The following STK32B variants were observed in gnomAD, a reference collection of about 807,000 sequenced individuals.
STK32B encodes serine/threonine kinase 32B.
A neutral mutation model predicts 52.6 loss-of-function variants in STK32B; 43 were observed. That is an observed-to-expected ratio of 0.82 (90% CI 0.64 to 1.05). The LOEUF is 1.05. STK32B is among the 50% of genes least tolerant of loss of function. The probability of loss-of-function intolerance (pLI) is 0.00; values close to 1 mark genes in which losing one functional copy is unlikely to be tolerated. For missense variants in STK32B, 621 were observed against 534.6 expected (o/e 1.16, Z -1.59); for synonymous variants, 238 against 204.3 (o/e 1.17, Z -1.41).
intron 11 of STK32B, among the ~76,000 whole-genome samples, chr4:5,492,426 G>T (rs1157178228): frequency 6.6e-6 from 1 of 152,124 alleles, no homozygotes; most frequent in African/African-American, 2.4e-5. Flanking sequence ...CACTGATTTT[G>T]TATCCTGAGA....
At chr4:5,473,269 G>C (rs1717981338) in intron 11 of STK32B, among the ~76,000 whole-genome samples, 1 of 152,180 alleles carries the variant, frequency 6.6e-6, no homozygotes, top group Admixed American at 6.5e-5. Context: ...GCTCTCAATG[G>C]AGCTCACAGC....
intron 1 of STK32B, among the ~76,000 whole-genome samples, chr4:5,119,837 A>G (rs182419424): frequency 1.9e-3 from 290 of 152,308 alleles, no homozygotes; most frequent in Non-Finnish European, 3.3e-3. Flanking sequence ...ATTTTTTTGC[A>G]TAAACTCCAT....
chr4:5,472,350 G>A (rs953543666), intron 11 of STK32B, among the ~76,000 whole-genome samples: 84 of 152,214 alleles, frequency 5.5e-4, no homozygotes, highest in African/African-American at 1.9e-3. Flanking sequence ...CCTTTGTTTC[G>A]AAACAGAGAA....
At chr4:5,373,470 T>G (rs1735383576) in intron 4 of STK32B, among the ~76,000 whole-genome samples, 1 of 152,188 alleles carries the variant, frequency 6.6e-6, no homozygotes, top group Non-Finnish European at 1.5e-5. Context: ...AAAAACTCCC[T>G]TTTTCTCAGG....
intron 3 of STK32B, among the ~76,000 whole-genome samples, chr4:5,196,167 C>T (rs2108770133): frequency 6.6e-6 from 1 of 152,168 alleles, no homozygotes; most frequent in East Asian, 1.9e-4. Context: ...TGTTCTTGCT[C>T]TGCGTTCCAC....
chr4:5,267,368 C>T (rs1727121947), intron 3 of STK32B, among the ~76,000 whole-genome samples: 1 of 152,158 alleles, frequency 6.6e-6, no homozygotes, highest in South Asian at 2.1e-4. Context: ...CTTTTACCTG[C>T]CCCTCCCCGC....
chr4:5,417,108 G>C (rs1413705987), intron 6 of STK32B, among the ~76,000 whole-genome samples, 174 bp downstream of exon 6: 1 of 152,234 alleles, frequency 6.6e-6, no homozygotes, highest in African/African-American at 2.4e-5. Context: ...CCTTTTCCAA[G>C]CTGTCTCCTC....
At position 5,500,334 on chromosome 4, in the gene STK32B, T is replaced by C. The variant is rs918849845; in HGVS notation, c.*1251T>C. ...GGAGTTACAGGGTTAAATAAGATCC[T>C]GTGTGTAACCCCAAGCATTGGATGA... On this transcript the variant is annotated 3_prime_UTR_variant, in exon 12 of 12. Coordinates refer to ENST00000282908, the MANE Select transcript of STK32B (RefSeq NM_018401.3). 1 of 152,210 alleles carries C rather than the reference T, an allele frequency of 6.6e-6. No individual in the cohort carries two copies. Among genetic ancestry groups the C allele is most frequent in the African/African-American group, 2.4e-5 (1 of 41,462 alleles). The allele number at this position is 152,210 out of a possible 1,614,324, so 9.4% of individuals were successfully genotyped here. A position where few individuals can be genotyped will look rare whatever the true frequency, so the allele number is the denominator to read the frequency against.
At chr4:5,227,877 C>G (rs771188326) in intron 3 of STK32B, among the ~76,000 whole-genome samples, 5 of 152,156 alleles carry the variant, frequency 3.3e-5, no homozygotes, top group Admixed American at 6.5e-5. Context: ...AATCCAATGA[C>G]TACCTGGAAA....
chr4:5,220,844 A>T (rs138200098), intron 3 of STK32B, among the ~76,000 whole-genome samples: 2 of 152,176 alleles, frequency 1.3e-5, no homozygotes, highest in East Asian at 3.9e-4. Flanking sequence ...TGGGGATGGA[A>T]AGTATGAGGA....
intron 3 of STK32B, among the ~76,000 whole-genome samples, chr4:5,254,417 A>C (rs972308442): frequency 1.3e-5 from 2 of 152,124 alleles, no homozygotes; most frequent in East Asian, 3.8e-4. Flanking sequence ...ATTATGTCCT[A>C]ACTTGTCATT....
chr4:5,488,398 A>G (rs1346151549), intron 11 of STK32B, among the ~76,000 whole-genome samples: 2 of 152,238 alleles, frequency 1.3e-5, no homozygotes, highest in Non-Finnish European at 2.9e-5. Flanking sequence ...AATTTTATTA[A>G]GAGCAGATCA....
At position 5,155,788 on chromosome 4, in the gene STK32B, C is replaced by T. The variant is rs116225201; in HGVS notation, c.109-12511C>T. Among the ~76,000 whole-genome samples, 1,412 of 152,232 alleles carry T rather than the reference C, an allele frequency of 9.3e-3. 16 individuals are homozygous for T. The highest frequency in any genetic ancestry group is 0.032 in the African/African-American group (1,345 of 41,512). The stretch of plus-strand genomic sequence containing the variant: ...CGCCATGATTGTAAGTTTCCTGAGG[C>T]CTCCCTGGCCAAACGGAACTGTGAG... On this transcript the variant is annotated intron_variant, in intron 2 of 11. Coordinates refer to ENST00000282908, the MANE Select transcript of STK32B (RefSeq NM_018401.3).
In STK32B at chr4:5,190,018, A is replaced by G. The variant is rs118186542; in HGVS notation, c.260+21568A>G. On this transcript the variant is annotated intron_variant, in intron 3 of 11. Coordinates refer to ENST00000282908, the MANE Select transcript of STK32B (RefSeq NM_018401.3). ...ATAAATGTCCTTGTCTTCCCCACAA[A>G]TCATATGTGGAGAGCGTACATGATC... Among the ~76,000 whole-genome samples, 205 of 152,250 alleles carry G rather than the reference A, an allele frequency of 1.3e-3. 1 individual carries two copies. In the East Asian group the frequency reaches 0.036, roughly 26 times the overall value.
the STK32B span, among the ~76,000 whole-genome samples, chr4:5,043,501 G>A: frequency 6.6e-6 from 1 of 152,170 alleles, no homozygotes; most frequent in Non-Finnish European, 1.5e-5. Context: ...ATATAGGACT[G>A]GACACCCAGA....
intron 2 of STK32B, among the ~76,000 whole-genome samples, chr4:5,161,439 G>A (rs533463935): frequency 5.3e-5 from 8 of 152,286 alleles, no homozygotes; most frequent in Non-Finnish European, 1.0e-4. Context: ...GACTTTCTTG[G>A]CCTCATGATC....
intron 2 of STK32B, among the ~76,000 whole-genome samples, chr4:5,147,086 T>A (rs781148255): frequency 6.6e-6 from 1 of 152,304 alleles, no homozygotes; most frequent in East Asian, 1.9e-4. Flanking sequence ...TTTAAAAGTC[T>A]ATTTTAGTGA....
At chr4:5,308,625 T>A (rs555396707) in intron 3 of STK32B, among the ~76,000 whole-genome samples, 315 of 152,310 alleles carry the variant, frequency 2.1e-3, no homozygotes, top group African/African-American at 7.4e-3. Flanking sequence ...TCTAATTAGG[T>A]AACCCCATGG....
intron 1 of STK32B, among the ~76,000 whole-genome samples, chr4:5,073,533 A>G (rs959777107): frequency 7.2e-5 from 11 of 152,034 alleles, no homozygotes; most frequent in African/African-American, 2.6e-4. Flanking sequence ...GAAAAGAAAA[A>G]TGTTTTGTAT....
Sources: allele counts gnomAD v4.1 joint callset (sites outside exome capture counted in the v4.1 genomes callset), GRCh38; gene constraint gnomAD v4.1.1; transcripts MANE v1.5; gene names NCBI Gene and HGNC (gene_info 2026-07-23, HGNC 2026-07-21).